The following ADAMTS12 variants were observed in gnomAD, a reference collection of about 807,000 sequenced individuals.
ADAMTS12 encodes A disintegrin and metalloproteinase with thrombospondin motifs 12.
ADAMTS12 carries 118 observed loss-of-function variants against 167.8 expected under a neutral mutation model. The observed-to-expected ratio is 0.70, with a 90% CI of 0.61 to 0.82. The LOEUF is 0.82. Among genes scored for constraint, ADAMTS12 ranks in the 40% least tolerant of loss-of-function variants. ADAMTS12 has a pLI of 0.00. For synonymous variants in ADAMTS12, 704 were observed against 716.9 expected, an observed-to-expected ratio of 0.98 and a Z score of 0.29; for missense variants, 1,916 against 1,998.8, an observed-to-expected ratio of 0.96 and a Z score of 0.79.
chr5:33,598,338 C>T (rs1244620764), intron 16 of ADAMTS12, among the ~76,000 whole-genome samples: 1 of 152,150 alleles, frequency 6.6e-6, no homozygotes, highest in Non-Finnish European at 1.5e-5. Context: ...AAGTCTGATG[C>T]TTGTGTGTTC....
intron 2 of ADAMTS12, among the ~76,000 whole-genome samples, chr5:33,854,222 A>T (rs1421922605): frequency 6.6e-6 from 1 of 152,188 alleles, no homozygotes; most frequent in Non-Finnish European, 1.5e-5. Flanking sequence ...ATCAATGGGG[A>T]CATTTTCAAA....
intron 3 of ADAMTS12, among the ~76,000 whole-genome samples, chr5:33,693,613 G>A (rs1034221604): frequency 9.2e-5 from 14 of 151,990 alleles, no homozygotes; most frequent in African/African-American, 3.4e-4. Context: ...GATAAAATGC[G>A]ACATCCCTCC....
intron 1 of ADAMTS12, chr5:33,891,500 A>G: frequency 1.8e-6 from 1 of 570,694 alleles, no homozygotes; most frequent in East Asian, 2.9e-5. Flanking sequence ...TCATCCCTGT[A>G]AAAGAGTGAG....
At chr5:33,607,783 A>G (rs1186147338) in intron 16 of ADAMTS12, among the ~76,000 whole-genome samples, 2 of 152,230 alleles carry the variant, frequency 1.3e-5, no homozygotes, top group East Asian at 1.9e-4. Flanking sequence ...AAAGGTATCA[A>G]TCCTCACATA....
At chr5:33,876,916 C>T (rs914740297) in intron 2 of ADAMTS12, among the ~76,000 whole-genome samples, 1 of 152,196 alleles carries the variant, frequency 6.6e-6, no homozygotes, top group African/African-American at 2.4e-5. Flanking sequence ...TATGAATCTA[C>T]AACTATTCCA....
chr5:33,774,595 C>G (rs1745850929), intron 2 of ADAMTS12, among the ~76,000 whole-genome samples: 1 of 152,154 alleles, frequency 6.6e-6, no homozygotes, highest in South Asian at 2.1e-4. Flanking sequence ...AGTCCAGAGT[C>G]TGCGAAGTTA....
rs1746730293 is a variant in ADAMTS12, at chr5:33,576,555, A to G, written c.3471T>C (p.Ser1157=). 6.2e-7 allele frequency: 1 copy of G among 1,614,084 alleles called. No homozygotes were observed. ...LTKGPEMEIH[S]GSGEEREQPE... ...GCTGTTCTCTTTCTTCCCCTGAGCC[A>G]CTGTGAATCTCCATTTCTGGACCTT... The change falls in exon 19 of 24, where the codon AGT becomes AGC. Residue 1157 remains serine (S), a synonymous_variant. Transcript: ENST00000504830.
intron 5 of ADAMTS12, among the ~76,000 whole-genome samples, chr5:33,674,055 C>G (rs966207354): frequency 6.6e-6 from 1 of 152,142 alleles, no homozygotes; most frequent in Non-Finnish European, 1.5e-5. Context: ...GCCTCCAGAA[C>G]AAGAATTGAG....
At chr5:33,651,218 G>T (rs535073485) in intron 7 of ADAMTS12, among the ~76,000 whole-genome samples, 1 of 152,232 alleles carries the variant, frequency 6.6e-6, no homozygotes, top group East Asian at 1.9e-4. Flanking sequence ...AAGTTTGACT[G>T]TTCAGTAGTT....
At chr5:33,805,903 GA>G (rs1747210072) in intron 2 of ADAMTS12, among the ~76,000 whole-genome samples, 4 of 139,742 alleles carry the variant, frequency 2.9e-5, no homozygotes, top group South Asian at 2.3e-4. Flanking sequence ...AGAAAAGGGG[GA>G]AAAAAAAGCC....
chr5:33,541,792 A>AT (rs1353892924), intron 22 of ADAMTS12, among the ~76,000 whole-genome samples: 1 of 152,204 alleles, frequency 6.6e-6, no homozygotes, highest in Non-Finnish European at 1.5e-5. Flanking sequence ...ATGCTGAGAG[A>AT]TTTTGTCACC....
At chr5:33,699,236 C>A (rs922435584) in intron 3 of ADAMTS12, among the ~76,000 whole-genome samples, 2 of 151,902 alleles carry the variant, frequency 1.3e-5, no homozygotes, top group African/African-American at 2.4e-5. Context: ...TGGAACAGAA[C>A]AGAGAACTCA....
chr5:33,605,600 A>G (rs1738394203), intron 16 of ADAMTS12, among the ~76,000 whole-genome samples: 1 of 152,222 alleles, frequency 6.6e-6, no homozygotes, highest in South Asian at 2.1e-4. Context: ...AGGAACTCAG[A>G]GTTCAGTTTG....
At position 33,576,632 on chromosome 5, in the gene ADAMTS12, A is replaced by G. The variant is rs1329126221; in HGVS notation, c.3394T>C (p.Ser1132Pro). Reference sequence around the variant, plus strand: ...ACAGGCCAAGTGATAGGGTTGCGGGAAGATGACAAGCCAGAACCACTTGTT... The same window carrying G: ...ACAGGCCAAGTGATAGGGTTGCGGGGAGATGACAAGCCAGAACCACTTGTT... The part of the protein sequence containing the change: ...TTTSGSGLSS[S>P]RNPITWPVTP... The change falls in exon 19 of 24, where the codon TCC (serine) becomes CCC (proline). Residue 1132 changes from serine to proline, a missense_variant. Physicochemically the swap from Ser to Pro is moderately conservative, Grantham distance 74 (BLOSUM62 -1). Coordinates refer to ENST00000504830, the MANE Select transcript of ADAMTS12 (RefSeq NM_030955.4). The G allele has an allele frequency of 2.5e-6, 4 of 1,614,042 alleles. No homozygotes were observed. In the Admixed American group the frequency reaches 6.7e-5, roughly 27 times the overall value.
At chr5:33,865,526 A>G (rs899953022) in intron 2 of ADAMTS12, among the ~76,000 whole-genome samples, 25 of 152,126 alleles carry the variant, frequency 1.6e-4, no homozygotes, top group Admixed American at 5.9e-4. Context: ...GAAGGGGGGG[A>G]AGTTTAAAGC....
intron 2 of ADAMTS12, among the ~76,000 whole-genome samples, chr5:33,770,852 TTCC>T (rs931837164): frequency 2.1e-4 from 32 of 150,030 alleles, no homozygotes; most frequent in East Asian, 7.8e-4. Context: ...CCTCCTCCTC[TTCC>T]TCCTCCTCCT....
chr5:33,706,537 T>C (rs1198987561), intron 3 of ADAMTS12, among the ~76,000 whole-genome samples: 1 of 152,210 alleles, frequency 6.6e-6, no homozygotes, highest in Non-Finnish European at 1.5e-5. Flanking sequence ...ATTTTGGGCC[T>C]ATGTGTGTCT....
At chr5:33,783,589 T>C (rs143865391) in intron 2 of ADAMTS12, among the ~76,000 whole-genome samples, 1 of 152,024 alleles carries the variant, frequency 6.6e-6, no homozygotes, top group Non-Finnish European at 1.5e-5. Context: ...TAAGGGGATA[T>C]TAGCTGTAAT....
At chr5:33,624,829 T>C (rs1739509685) in intron 13 of ADAMTS12, among the ~76,000 whole-genome samples, 1 of 152,220 alleles carries the variant, frequency 6.6e-6, no homozygotes, top group South Asian at 2.1e-4. Flanking sequence ...TGGCTTGCTT[T>C]CTTCCATGAC....
Sources: gnomAD v4.1 joint callset for allele counts (sites outside exome capture counted in the v4.1 genomes callset) on GRCh38, gnomAD v4.1.1 for gene constraint, MANE v1.5 for transcripts, NCBI Gene and HGNC (gene_info 2026-07-23, HGNC 2026-07-21) for gene names.